The following PROSER3 variants were observed in gnomAD, a reference collection of about 807,000 sequenced individuals.
PROSER3 encodes the protein proline and serine-rich protein 3.
A neutral mutation model predicts 50.2 loss-of-function variants in PROSER3; 33 were observed. The observed-to-expected ratio is 0.66, with a 90% CI of 0.50 to 0.88. PROSER3 has a LOEUF of 0.88. Among genes scored for constraint, PROSER3 ranks in the 40% least tolerant of loss-of-function variants. PROSER3 has a pLI of 0.00. For synonymous variants in PROSER3, 266 were observed against 259.3 expected (o/e 1.03, Z -0.25); for missense variants, 623 against 612.7 (o/e 1.02, Z -0.18).
exon 3 of PROSER3, chr19:35,759,925 C>T (rs764852375): frequency 6.2e-7 from 1 of 1,606,480 alleles, no homozygotes. Flanking sequence ...CCCAGCACCA[C>T]TGAGGGACAG....
intron 7 of PROSER3, among the ~76,000 whole-genome samples, 186 bp from the exon 8 acceptor site, chr19:35,766,582 G>A (rs143022171): frequency 2.6e-5 from 4 of 152,180 alleles, no homozygotes; most frequent in Non-Finnish European, 5.9e-5. Flanking sequence ...GAGAAGACCA[G>A]GAGTGCTCGC....
At position 35,766,840 on chromosome 19, in the gene PROSER3, G is replaced by A. The variant is rs771205977; in HGVS notation, c.842G>A (p.Arg281Gln). The A allele has an allele frequency of 5.3e-5, 82 of 1,551,242 alleles. No homozygotes were observed. The highest frequency in any genetic ancestry group is 6.4e-5 in the Non-Finnish European group (73 of 1,146,860). Residue 281 changes from arginine (R) to glutamine (Q), a missense_variant, in exon 8 of 11, where the codon CGG becomes CAG. This residue lies in a region of PROSER3 where 380 missense variants were observed against 346.8 expected (regional missense o/e 1.10). Transcript: ENST00000396908. ...CCAGCCTCCTCCCAAGCACCCCTTCGGCCAGAGGATGACATTCTGTACCAG... is the reference window on the plus strand; with the variant it reads ...CCAGCCTCCTCCCAAGCACCCCTTCAGCCAGAGGATGACATTCTGTACCAG...
chr19:35,758,372 C>A (rs974265984), intron 1 of PROSER3, 146 bp downstream of exon 1: 4 of 1,117,414 alleles, frequency 3.6e-6, no homozygotes, highest in African/African-American at 1.6e-5. Flanking sequence ...GCTCCACAGC[C>A]GTTGGCCTCT....
downstream of PROSER3, chr19:35,770,667 CA>C (rs1971299389): frequency 6.6e-6 from 1 of 151,964 alleles, no homozygotes; most frequent in African/African-American, 2.4e-5. Flanking sequence ...TACTTGAGGT[CA>C]GGGGTTCAAG....
intron 1 of PROSER3, chr19:35,758,660 G>GTTCT (rs376427926): frequency 5.0e-5 from 9 of 179,548 alleles, no homozygotes; most frequent in Non-Finnish European, 9.2e-5. Context: ...TCCAGCCGCG[G>GTTCT]TTCTTTCTTT....
intron 5 of PROSER3, among the ~76,000 whole-genome samples, chr19:35,764,207 G>A (rs1311221382): frequency 6.6e-6 from 1 of 152,116 alleles, no homozygotes; most frequent in Non-Finnish European, 1.5e-5. Context: ...TGGGAAGTGG[G>A]GGCTTTTCGA....
At chr19:35,760,724 T>C (rs915475799) in intron 3 of PROSER3, among the ~76,000 whole-genome samples, 1 of 152,136 alleles carries the variant, frequency 6.6e-6, no homozygotes, top group Non-Finnish European at 1.5e-5. Context: ...TGACCTCAGG[T>C]GATCCACCTG....
At chr19:35,764,654 CAAAAAAAAAAAG>C (rs955539914) in intron 5 of PROSER3, among the ~76,000 whole-genome samples, 188 bp from the exon 6 acceptor site, 5 of 114,428 alleles carry the variant, frequency 4.4e-5, no homozygotes, top group Admixed American at 1.8e-4. Flanking sequence ...AATTCAATCT[CAAAAAAAAAAAG>C]AAAAAAAAAA....
chr19:35,758,336 C>T (rs1366238740), intron 1 of PROSER3, 110 bp downstream of exon 1: 1 of 1,330,716 alleles, frequency 7.5e-7, no homozygotes, highest in Non-Finnish European at 1.0e-6. Context: ...AGGGCTCCAC[C>T]GCACTGGAAC....
chr19:35,768,274 G>A, intron 10 of PROSER3, 38 bp downstream of exon 10: 1 of 1,595,310 alleles, frequency 6.3e-7, no homozygotes. Flanking sequence ...ATGACACTGG[G>A]CCCCGGAGAC....
At chr19:35,767,557 G>A (rs1051995189) in intron 8 of PROSER3, 39 of 549,318 alleles carry the variant, frequency 7.1e-5, no homozygotes, top group African/African-American at 1.9e-5. Flanking sequence ...CCAAGTCTCG[G>A]AGGAGCAGAG....
In PROSER3 at chr19:35,766,804, CT is replaced by C. The variant is rs761424899; in HGVS notation, c.807del (p.Ala270LeufsTer43). ...CCAGCCCAGGCCCAGACCCCCACCC[CT>C]GCTCCAGCCCCAGCCTCCTCCCAAG... On this transcript the variant is annotated frameshift_variant, in exon 8 of 11. Coordinates refer to ENST00000396908, the Ensembl canonical transcript of PROSER3. LOFTEE classifies it high-confidence loss of function. The C allele has an allele frequency of 1.4e-5, 21 of 1,551,196 alleles. No homozygotes were observed. The highest frequency in any genetic ancestry group is 9.8e-5 in the Admixed American group (5 of 50,964).
intron 8 of PROSER3, chr19:35,767,084 C>T: frequency 8.6e-7 from 1 of 1,166,820 alleles, no homozygotes; most frequent in Non-Finnish European, 1.2e-6. Flanking sequence ...CTCTCCTGCT[C>T]CAGTGGAGAC....
chr19:35,760,135 C>A, intron 3 of PROSER3, 144 bp downstream of exon 3: 1 of 837,696 alleles, frequency 1.2e-6, no homozygotes, highest in Admixed American at 3.3e-5. Flanking sequence ...AACTCTGGTG[C>A]TAGACTGCCT....
At chr19:35,767,773 C>T in intron 8 of PROSER3, 1 of 1,594,672 alleles carries the variant, frequency 6.3e-7, no homozygotes, top group South Asian at 1.1e-5. Flanking sequence ...AGGTCACTCC[C>T]CCTCCATCTG....
exon 2 of PROSER3, chr19:35,759,436 A>T (rs746762720): frequency 8.1e-6 from 13 of 1,613,270 alleles, no homozygotes; most frequent in Middle Eastern, 1.6e-4. Flanking sequence ...CGAAGCCACT[A>T]CTGGCCATCC....
intron 8 of PROSER3, chr19:35,767,722 G>C (rs1437071941): frequency 2.6e-6 from 4 of 1,519,790 alleles, no homozygotes; most frequent in Non-Finnish European, 3.6e-6. Context: ...CTCCACCCAA[G>C]GCTGGATCTC....
chr19:35,768,215 C>G (rs1325578077), exon 10 of PROSER3: 2 of 1,613,128 alleles, frequency 1.2e-6, no homozygotes, highest in Non-Finnish European at 1.7e-6. Flanking sequence ...GCCCATAGGG[C>G]AGAGCTGAGT....
chr19:35,762,686 A>G (rs1970998298), intron 5 of PROSER3: 1 of 197,800 alleles, frequency 5.1e-6, no homozygotes, highest in African/African-American at 2.5e-5. Context: ...TGATCATGCC[A>G]CTGCACTCCA....
Sources: allele counts gnomAD v4.1 joint callset (sites outside exome capture counted in the v4.1 genomes callset), GRCh38; gene constraint gnomAD v4.1.1; regional missense constraint gnomAD v4.1.1; transcripts MANE v1.5; gene names NCBI Gene and HGNC (gene_info 2026-07-23, HGNC 2026-07-21).